The following SYCP1 variants were observed in gnomAD, a reference collection of about 807,000 sequenced individuals.
The protein encoded by SYCP1 is cancer/testis antigen 8.
A neutral mutation model predicts 153.1 loss-of-function variants in SYCP1; 64 were observed. The observed-to-expected ratio is 0.42, with a 90% CI of 0.34 to 0.51. The LOEUF is 0.51. Ranked by LOEUF, SYCP1 falls within the 20% of genes least tolerant of loss-of-function variation. SYCP1 has a pLI of 0.06. For synonymous variants in SYCP1, 384 were observed against 341.8 expected (o/e 1.12, Z -1.36); for missense variants, 997 against 1,049.0 (o/e 0.95, Z 0.68).
intron 8 of SYCP1, among the ~76,000 whole-genome samples, chr1:114,863,308 C>T: frequency 6.6e-6 from 1 of 152,108 alleles, no homozygotes; most frequent in Non-Finnish European, 1.5e-5. Context: ...AGTCCCAGCA[C>T]TTTGGGAGGC....
At chr1:114,935,591 T>C (rs1240078371) in intron 23 of SYCP1, among the ~76,000 whole-genome samples, 2 of 151,954 alleles carry the variant, frequency 1.3e-5, no homozygotes, top group African/African-American at 4.8e-5. Context: ...AAGAAACCCT[T>C]CCAAAAAATC....
At chr1:114,984,690 G>T in intron 29 of SYCP1, 35 bp from the exon 30 acceptor site, 1 of 1,299,364 alleles carries the variant, frequency 7.7e-7, no homozygotes, top group South Asian at 2.9e-5. Flanking sequence ...TATTTTATTT[G>T]ATATGATAAT....
chr1:114,936,322 T>C (rs1670009465), intron 23 of SYCP1, among the ~76,000 whole-genome samples: 1 of 152,218 alleles, frequency 6.6e-6, no homozygotes, highest in Non-Finnish European at 1.5e-5. Context: ...TCTCAATAGA[T>C]GCAGAAAAGG....
intron 27 of SYCP1, among the ~76,000 whole-genome samples, chr1:114,958,778 A>AAATT (rs1671598769): frequency 6.7e-6 from 1 of 150,090 alleles, no homozygotes; most frequent in Non-Finnish European, 1.5e-5. Context: ...AAAAAAAAAA[A>AAATT]AATTAGCCGG....
chr1:114,891,735 T>G (rs1036280689), intron 15 of SYCP1, among the ~76,000 whole-genome samples: 2 of 152,184 alleles, frequency 1.3e-5, no homozygotes, highest in Non-Finnish European at 2.9e-5. Context: ...CCTAGTAGGT[T>G]CTATTGCTTC....
chr1:114,882,629 T>C (rs189010218), intron 12 of SYCP1, among the ~76,000 whole-genome samples: 1 of 152,274 alleles, frequency 6.6e-6, no homozygotes, highest in East Asian at 1.9e-4. Flanking sequence ...TCAAAGTACC[T>C]TGTTTGCTTG....
At chr1:114,963,312 T>G (rs1671898115) in intron 27 of SYCP1, among the ~76,000 whole-genome samples, 1 of 152,184 alleles carries the variant, frequency 6.6e-6, no homozygotes, top group African/African-American at 2.4e-5. Flanking sequence ...CAAATTTTCT[T>G]AGGTTGGTTT....
intron 27 of SYCP1, among the ~76,000 whole-genome samples, chr1:114,953,223 T>C (rs1671222230): frequency 6.6e-6 from 1 of 152,216 alleles, no homozygotes; most frequent in South Asian, 2.1e-4. Context: ...ATTCAAACCA[T>C]AGCATCAGAT....
At chr1:114,881,787 C>T (rs1473017611) in intron 12 of SYCP1, among the ~76,000 whole-genome samples, 2 of 152,162 alleles carry the variant, frequency 1.3e-5, no homozygotes, top group Non-Finnish European at 2.9e-5. Flanking sequence ...CAGATGTGAA[C>T]CACCACGCCT....
chr1:114,936,956 A>G (rs547865053), intron 23 of SYCP1, among the ~76,000 whole-genome samples: 6 of 152,370 alleles, frequency 3.9e-5, no homozygotes, highest in Non-Finnish European at 8.8e-5. Context: ...GATCATGAAA[A>G]TGGCCATACT....
intron 30 of SYCP1, among the ~76,000 whole-genome samples, chr1:114,987,405 G>T (rs997947404): frequency 1.2e-4 from 18 of 151,972 alleles, no homozygotes. Context: ...AATAGCTCAC[G>T]CCTGTAATTT....
chr1:114,991,918 G>A (rs1346044880), intron 30 of SYCP1, among the ~76,000 whole-genome samples: 2 of 151,754 alleles, frequency 1.3e-5, no homozygotes, highest in Admixed American at 6.6e-5. Context: ...GACTCTTTAA[G>A]AAAGCTATTA....
intron 15 of SYCP1, among the ~76,000 whole-genome samples, chr1:114,887,906 A>C (rs915079834): frequency 1.3e-5 from 2 of 152,048 alleles, no homozygotes; most frequent in Admixed American, 6.6e-5. Context: ...AGATATTTAG[A>C]AGTGTGGGGA....
At chr1:114,887,795 C>A in intron 15 of SYCP1, 102 bp downstream of exon 15, 1 of 691,008 alleles carries the variant, frequency 1.4e-6, no homozygotes, top group Non-Finnish European at 2.2e-6. Flanking sequence ...CTGTCATTTG[C>A]CAGTAGAGAT....
intron 8 of SYCP1, 67 bp from the exon 9 acceptor site, chr1:114,874,438 AT>A: frequency 1.1e-6 from 1 of 910,462 alleles, no homozygotes; most frequent in South Asian, 1.5e-5. Flanking sequence ...TTCTGGAGGC[AT>A]TTTGAGTATT....
In SYCP1 at chr1:114,951,886, A is replaced by G. The variant is rs369852808; in HGVS notation, c.2322+4566A>G. On this transcript the variant is annotated intron_variant, in intron 27 of 31. Transcript: ENST00000369522. ...TCGAGAATGTTATCTAGATGGATTC[A>G]TACACTATGTAACCTTTGTTACAGC... 1.3e-4 allele frequency among the ~76,000 whole-genome samples: 20 copies of G among 151,814 alleles called. No homozygotes were observed. The East Asian group carries it at 2.3e-3, about 18-fold the overall frequency.
chr1:114,918,650 GTCCTCTTAAATT>G (rs1174269439), intron 20 of SYCP1, among the ~76,000 whole-genome samples: 1 of 151,710 alleles, frequency 6.6e-6, no homozygotes, highest in African/African-American at 2.4e-5. Flanking sequence ...TTTTTTGTGT[GTCCTCTTAAATT>G]TCATTAATCA....
chr1:114,860,283 G>T (rs1664283974), intron 7 of SYCP1, among the ~76,000 whole-genome samples: 1 of 152,102 alleles, frequency 6.6e-6, no homozygotes, highest in Non-Finnish European at 1.5e-5. Context: ...GATAGCCACA[G>T]GTCTCATCAT....
At chr1:114,875,442 G>C (rs578137245) in intron 9 of SYCP1, among the ~76,000 whole-genome samples, 187 of 151,926 alleles carry the variant, frequency 1.2e-3, no homozygotes, top group Non-Finnish European at 2.2e-3. Context: ...TGTATTTTTA[G>C]TGGAGACGGG....
Sources: gnomAD v4.1 joint callset for allele counts (sites outside exome capture counted in the v4.1 genomes callset) on GRCh38, gnomAD v4.1.1 for gene constraint, MANE v1.5 for transcripts, NCBI Gene and HGNC (gene_info 2026-07-23, HGNC 2026-07-21) for gene names.